The following BCL11B variants were observed in gnomAD, a reference collection of about 807,000 sequenced individuals.
BCL11B encodes BCL11 transcription factor B.
A neutral mutation model predicts 49.9 loss-of-function variants in BCL11B; 8 were observed. That is an observed-to-expected ratio of 0.16 (90% CI 0.09 to 0.29). The LOEUF (loss-of-function observed/expected upper bound fraction) is 0.29, where lower values mean the gene tolerates loss of function less well. Among genes scored for constraint, BCL11B ranks in the 10% least tolerant of loss-of-function variants. BCL11B has a pLI of 1.00. For synonymous variants in BCL11B, 739 were observed against 637.4 expected (o/e 1.16, Z -2.40); for missense variants, 1,006 against 1,351.0 (o/e 0.74, Z 4.00).
chr14:99,235,726 T>C (rs1199472662), intron 2 of BCL11B, among the ~76,000 whole-genome samples: 9 of 150,516 alleles, frequency 6.0e-5, no homozygotes. Flanking sequence ...GGGAAGGAGG[T>C]GGCGCTGGTG....
At chr14:99,177,639 C>T (rs1214880728) in intron 3 of BCL11B, among the ~76,000 whole-genome samples, 5 of 150,764 alleles carry the variant, frequency 3.3e-5, no homozygotes, top group African/African-American at 1.2e-4. Context: ...TTTTCTCAAA[C>T]TTTCATCTAC....
rs1427901937 is a variant in BCL11B, at chr14:99,232,668, T to C, written c.428-1111A>G. 6.6e-6 allele frequency among the ~76,000 whole-genome samples: 1 copy of C among 152,124 alleles called. No individual in the cohort carries two copies. The highest frequency in any genetic ancestry group is 1.5e-5 in the Non-Finnish European group (1 of 68,010). ...GGAGCCAGGAGCCTGTCAGTCTTCATTGGACTGAACTTCCTAACACACTGA... is the reference window on the plus strand; with the variant it reads ...GGAGCCAGGAGCCTGTCAGTCTTCACTGGACTGAACTTCCTAACACACTGA... On this transcript the variant is annotated intron_variant, in intron 2 of 3. Transcript: ENST00000357195. The surrounding 1 kb of genome is among the most constrained non-coding windows in gnomAD (Gnocchi z 5.1).
At chr14:99,221,662 C>T (rs1277798198) in intron 3 of BCL11B, among the ~76,000 whole-genome samples, 2 of 152,270 alleles carry the variant, frequency 1.3e-5, no homozygotes, top group African/African-American at 4.8e-5. Context: ...GGATTCAAAT[C>T]CCACCTGTGC....
rs1465495876 is a variant in BCL11B at position 99,199,667 on chromosome 14, TGTGTGTGTGTGTGTGTGC to T, written c.641-23490_641-23473del. On this transcript the variant is annotated intron_variant, in intron 3 of 3. Coordinates refer to ENST00000357195, the MANE Select transcript of BCL11B (RefSeq NM_138576.4). ...GTGTGTGTGTGTGTGTGTGTGTGTG[TGTGTGTGTGTGTGTGTGC>T]GCGCGCGCGCGCACGTGCACGTGTG... 2.2e-3 allele frequency among the ~76,000 whole-genome samples: 186 copies of T among 84,312 alleles called. 1 individual carries two copies. The highest frequency in any genetic ancestry group is 0.017 in the Admixed American group (167 of 9,692). The allele number at this position is 84,312 out of a possible 152,430, so 55.3% of individuals were successfully genotyped here. A position where few individuals can be genotyped will look rare whatever the true frequency, so the allele number is the denominator to read the frequency against.
intron 1 of BCL11B, among the ~76,000 whole-genome samples, chr14:99,266,663 C>T (rs775087602): frequency 1.3e-4 from 20 of 152,210 alleles, no homozygotes; most frequent in Non-Finnish European, 2.4e-4. Flanking sequence ...AAACTGCCGC[C>T]GCTGCTGATG....
intron 3 of BCL11B, among the ~76,000 whole-genome samples, chr14:99,210,020 A>G (rs1424691139): frequency 6.6e-6 from 1 of 151,720 alleles, no homozygotes; most frequent in Non-Finnish European, 1.5e-5. Context: ...GCACCCTCTT[A>G]CCATTTCCTC....
Position 99,228,123 on chromosome 14 carries a change from G to T in BCL11B, c.640+3222C>A, listed in dbSNP as rs934120216. On this transcript the variant is annotated intron_variant, in intron 3 of 3. Transcript: ENST00000357195. The surrounding 1 kb of genome is among the most constrained non-coding windows in gnomAD (Gnocchi z 4.8). The stretch of plus-strand genomic sequence containing the variant: ...CTGTGTGAAACACGTTTACACTGGG[G>T]TTCTCCATGTTAACTTGAAGAGATG... Among the ~76,000 whole-genome samples, 1 of 152,184 alleles carries T rather than the reference G, an allele frequency of 6.6e-6. No homozygotes were observed. Among genetic ancestry groups the T allele is most frequent in the Non-Finnish European group, 1.5e-5 (1 of 68,034 alleles).
chr14:99,237,416 C>T (rs1214448043), intron 2 of BCL11B, among the ~76,000 whole-genome samples: 2 of 152,002 alleles, frequency 1.3e-5, no homozygotes, highest in Non-Finnish European at 2.9e-5. Context: ...AGGGTGGGTC[C>T]CCAAGGCAGG....
chr14:99,240,137 G>A (rs10136429), intron 2 of BCL11B, among the ~76,000 whole-genome samples: 51,163 of 151,794 alleles, frequency 0.34, 9,492 homozygotes, highest in Non-Finnish European at 0.42. Context: ...TCTTGTTTCA[G>A]ATGGAACAGA....
intron 3 of BCL11B, among the ~76,000 whole-genome samples, chr14:99,189,705 C>T (rs1438044410): frequency 6.6e-6 from 1 of 152,164 alleles, no homozygotes; most frequent in Middle Eastern, 3.2e-3. Flanking sequence ...AGGATAAAGG[C>T]ATCATCCACA....
chr14:99,175,673 A>T lies in BCL11B; in HGVS notation c.1163T>A (p.Met388Lys). Reference sequence around the variant, plus strand: ...CTGGAAGGGGTTCAGGAGCCGGTGCATAGGGTTGCCGCGGCCCGGGGACAC... The same window carrying T: ...CTGGAAGGGGTTCAGGAGCCGGTGCTTAGGGTTGCCGCGGCCCGGGGACAC... ...PPVSPGRGNP[M>K]HRLLNPFQPS... Residue 388 changes from methionine (M) to lysine (K), a missense_variant, in exon 4 of 4, where the codon ATG (methionine) becomes AAG (lysine). Coordinates refer to ENST00000357195, the MANE Select transcript of BCL11B (RefSeq NM_138576.4). 1 of 1,548,208 alleles carries T rather than the reference A, an allele frequency of 6.5e-7. No individual in the cohort carries two copies. Among genetic ancestry groups the T allele is most frequent in the Non-Finnish European group, 8.6e-7 (1 of 1,159,648 alleles).
intron 2 of BCL11B, among the ~76,000 whole-genome samples, chr14:99,238,758 G>A (rs910782588): frequency 4.6e-5 from 7 of 152,260 alleles, no homozygotes; most frequent in East Asian, 1.9e-4. Context: ...TCCTCCAGCC[G>A]GGACGCTGAT....
intron 3 of BCL11B, among the ~76,000 whole-genome samples, chr14:99,221,575 G>T (rs1216434238): frequency 6.6e-6 from 1 of 152,272 alleles, no homozygotes; most frequent in Non-Finnish European, 1.5e-5. Context: ...TACAAGGCCA[G>T]GCGGGAGGGG....
At chr14:99,183,722 G>A (rs559728689) in intron 3 of BCL11B, among the ~76,000 whole-genome samples, 2 of 152,044 alleles carry the variant, frequency 1.3e-5, no homozygotes, top group African/African-American at 2.4e-5. Context: ...ACTGGAACTT[G>A]GGACTTTCTC....
In BCL11B at chr14:99,194,832, G is replaced by A. The variant is rs1017204751; in HGVS notation, c.641-18637C>T. Among the ~76,000 whole-genome samples, 1 of 152,164 alleles carries A rather than the reference G, an allele frequency of 6.6e-6. No homozygotes were observed. Among genetic ancestry groups the A allele is most frequent in the African/African-American group, 2.4e-5 (1 of 41,438 alleles). ...GGATGCAGACAGGCCTGAACCACGG[G>A]CACCCGACCAGTAGGACCTTGGTCA... On this transcript the variant is annotated intron_variant, in intron 3 of 3. Transcript: ENST00000357195. This position sits in a 1 kb window ranked among gnomAD's most constrained non-coding sequence, Gnocchi z 4.6.
chr14:99,199,283 G>A (rs546921683), intron 3 of BCL11B, among the ~76,000 whole-genome samples: 18 of 152,206 alleles, frequency 1.2e-4, no homozygotes, highest in African/African-American at 3.9e-4. Flanking sequence ...TTTCTCCCAT[G>A]CTCCTTAATA....
chr14:99,204,462 G>C (rs182142502), intron 3 of BCL11B, among the ~76,000 whole-genome samples: 1 of 152,142 alleles, frequency 6.6e-6, no homozygotes, highest in East Asian at 1.9e-4. Context: ...AGGGGGGAGG[G>C]AGGCAGGCAG....
intron 3 of BCL11B, among the ~76,000 whole-genome samples, chr14:99,212,973 C>A (rs974022161): frequency 6.6e-6 from 1 of 152,214 alleles, no homozygotes; most frequent in Admixed American, 6.5e-5. Flanking sequence ...TCATTGGTGG[C>A]TTCTGGGAGG....
At chr14:99,235,569 C>T (rs1472451357) in intron 2 of BCL11B, among the ~76,000 whole-genome samples, 2 of 152,188 alleles carry the variant, frequency 1.3e-5, no homozygotes, top group Non-Finnish European at 2.9e-5. Flanking sequence ...AAACTTACGT[C>T]AACTCTCTTG....
Sources: allele counts gnomAD v4.1 joint callset (sites outside exome capture counted in the v4.1 genomes callset), GRCh38; gene constraint gnomAD v4.1.1; non-coding constraint Gnocchi (gnomAD v3.1); transcripts MANE v1.5; gene names NCBI Gene and HGNC (gene_info 2026-07-23, HGNC 2026-07-21).